The following CHRM3 variants were observed in gnomAD, a reference collection of about 807,000 sequenced individuals.
The protein encoded by CHRM3 is muscarinic acetylcholine receptor M3.
CHRM3 carries 11 observed loss-of-function variants against 41.8 expected under a neutral mutation model. That is an observed-to-expected ratio of 0.26 (90% CI 0.17 to 0.44). CHRM3 has a LOEUF of 0.44. Ranked by LOEUF, CHRM3 falls within the 20% of genes least tolerant of loss-of-function variation. The pLI is 1.00. For missense variants in CHRM3, 571 were observed against 745.4 expected (o/e 0.77, Z 2.72); for synonymous variants, 297 against 301.4 (o/e 0.99, Z 0.15).
rs1408099097 is a variant in CHRM3 at position 239,404,420 on chromosome 1, AAG to A, written c.-521+17195_-521+17196del. Reference sequence around the variant, plus strand: ...AGAAAGAAAGAAAGAAAAAGAAAGAAAGAAAGAAAGAAAGAAAGAAAGAAAGA... The same window carrying A: ...AGAAAGAAAGAAAGAAAAAGAAAGAAAAAGAAAGAAAGAAAGAAAGAAAGA... On this transcript the variant is annotated intron_variant, in intron 1 of 6. Coordinates refer to ENST00000676153, the MANE Select transcript of CHRM3 (RefSeq NM_001375978.1). 4.2e-4 allele frequency among the ~76,000 whole-genome samples: 39 copies of A among 93,722 alleles called. 1 individual carries two copies. The highest frequency in any genetic ancestry group is 1.3e-3 in the African/African-American group (29 of 21,984). 61.5% of individuals were successfully genotyped at this position (93,722 alleles called of 152,430 possible).
At chr1:239,397,609 T>C (rs1486422826) in intron 1 of CHRM3, among the ~76,000 whole-genome samples, 1 of 151,352 alleles carries the variant, frequency 6.6e-6, no homozygotes, top group African/African-American at 2.4e-5. Context: ...GAGGCAGAGG[T>C]TGCAGTGAGC....
intron 5 of CHRM3, among the ~76,000 whole-genome samples, chr1:239,712,158 A>T (rs1661869301): frequency 6.6e-6 from 1 of 152,182 alleles, no homozygotes; most frequent in South Asian, 2.1e-4. Context: ...TGAGCATAGG[A>T]TCAATAATTT....
Position 239,717,503 on chromosome 1 carries a change from A to G in CHRM3, c.-147+39215A>G, listed in dbSNP as rs142877638. On this transcript the variant is annotated intron_variant, in intron 5 of 6. Transcript: ENST00000676153. Reference sequence around the variant, plus strand: ...CACACACATGATTTTTATCGTTGTTATCTTAGTAAATAATGACTAATGTGG... The same window carrying G: ...CACACACATGATTTTTATCGTTGTTGTCTTAGTAAATAATGACTAATGTGG... Among the ~76,000 whole-genome samples the G allele has an allele frequency of 3.7e-3, 563 of 152,136 alleles. 4 individuals are homozygous for G. Among genetic ancestry groups the G allele is most frequent in the African/African-American group, 0.013 (546 of 41,532 alleles).
At chr1:239,407,371 C>T (rs1660674463) in intron 1 of CHRM3, among the ~76,000 whole-genome samples, 1 of 140,734 alleles carries the variant, frequency 7.1e-6, no homozygotes, top group African/African-American at 2.5e-5. Flanking sequence ...TTAACGCCCA[C>T]TACAATATGA....
intron 6 of CHRM3, among the ~76,000 whole-genome samples, chr1:239,901,740 G>T (rs892157953): frequency 2.6e-5 from 4 of 151,828 alleles, no homozygotes; most frequent in African/African-American, 7.3e-5. Flanking sequence ...CCTCATTTTT[G>T]AATTCATTTC....
At chr1:239,549,512 A>G (rs1307325136) in intron 3 of CHRM3, among the ~76,000 whole-genome samples, 1 of 141,180 alleles carries the variant, frequency 7.1e-6, no homozygotes, top group African/African-American at 2.6e-5. Flanking sequence ...AAAAAAAAAA[A>G]TAGCCAGGTG....
chr1:239,745,652 C>A (rs1486885428), intron 5 of CHRM3, among the ~76,000 whole-genome samples: 2 of 152,100 alleles, frequency 1.3e-5, no homozygotes, highest in Non-Finnish European at 2.9e-5. Flanking sequence ...TACCCGCCCC[C>A]ACCACCCTTT....
chr1:239,619,586 T>C (rs751701510), intron 3 of CHRM3, among the ~76,000 whole-genome samples: 83 of 152,218 alleles, frequency 5.5e-4, no homozygotes, highest in African/African-American at 2.0e-3. Context: ...GATATTGGAC[T>C]GTAAATTTCA....
At chr1:239,772,813 C>T (rs1389753391) in intron 5 of CHRM3, among the ~76,000 whole-genome samples, 3 of 152,172 alleles carry the variant, frequency 2.0e-5, no homozygotes. Flanking sequence ...ACTGCCGCAG[C>T]CAGATATCCC....
chr1:239,730,050 C>T (rs1280584648), intron 5 of CHRM3, among the ~76,000 whole-genome samples: 2 of 151,872 alleles, frequency 1.3e-5, no homozygotes, highest in East Asian at 1.9e-4. Context: ...TTAAGCCAGG[C>T]TTTAATGTGA....
chr1:239,593,858 T>C (rs1045670290), intron 3 of CHRM3, among the ~76,000 whole-genome samples: 11 of 152,338 alleles, frequency 7.2e-5, no homozygotes, highest in Admixed American at 7.2e-4. Context: ...TTTAGAATAG[T>C]AATTAAACCC....
intron 5 of CHRM3, among the ~76,000 whole-genome samples, chr1:239,813,328 TCA>T (rs1028012454): frequency 6.6e-6 from 1 of 152,060 alleles, no homozygotes; most frequent in Admixed American, 6.5e-5. Context: ...TATTCTCTCT[TCA>T]GAGATTCGTA....
intron 3 of CHRM3, among the ~76,000 whole-genome samples, chr1:239,562,836 C>T (rs959423263): frequency 2.7e-5 from 4 of 147,266 alleles, no homozygotes; most frequent in Admixed American, 6.9e-5. Context: ...TACAGTGAGC[C>T]GAGGTCGCGC....
intron 5 of CHRM3, among the ~76,000 whole-genome samples, chr1:239,770,890 C>T (rs13376403): frequency 0.026 from 4,002 of 152,074 alleles, 183 homozygotes; most frequent in African/African-American, 0.09. Flanking sequence ...AGTTTGAGAC[C>T]AGCCTGATCA....
chr1:239,487,726 A>AT (rs754489980), intron 1 of CHRM3, among the ~76,000 whole-genome samples: 2 of 152,138 alleles, frequency 1.3e-5, no homozygotes, highest in Middle Eastern at 3.4e-3. Context: ...AGATAGTATC[A>AT]TTTTTTTCAA....
At chr1:239,508,844 C>A (rs568376459) in intron 2 of CHRM3, among the ~76,000 whole-genome samples, 1 of 152,180 alleles carries the variant, frequency 6.6e-6, no homozygotes, top group South Asian at 2.1e-4. Context: ...CGTCTCTTTA[C>A]GTATTCTTTA....
intron 2 of CHRM3, among the ~76,000 whole-genome samples, chr1:239,500,405 G>A (rs559267219): frequency 7.3e-6 from 1 of 137,150 alleles, no homozygotes. Context: ...TCATAGGTGG[G>A]AATTGAACAA....
At chr1:239,683,879 T>C (rs1283357253) in intron 5 of CHRM3, among the ~76,000 whole-genome samples, 2 of 152,180 alleles carry the variant, frequency 1.3e-5, no homozygotes, top group Admixed American at 6.5e-5. Flanking sequence ...TTGCTTCACT[T>C]TTGCATTTTA....
chr1:239,737,854 C>G (rs1253479241), intron 5 of CHRM3, among the ~76,000 whole-genome samples: 6 of 152,116 alleles, frequency 3.9e-5, no homozygotes, highest in Non-Finnish European at 7.3e-5. Context: ...GAGTCAACAA[C>G]TGAAGCAAGC....
Sources: allele counts gnomAD v4.1 joint callset (sites outside exome capture counted in the v4.1 genomes callset), GRCh38; gene constraint gnomAD v4.1.1; transcripts MANE v1.5; gene names NCBI Gene and HGNC (gene_info 2026-07-23, HGNC 2026-07-21).